DIPK2A: variants seen among roughly 807,000 people sequenced by gnomAD.
DIPK2A encodes the protein Golgi Protein of 49 kDa.
A neutral mutation model predicts 39.0 loss-of-function variants in DIPK2A; 27 were observed. That is an observed-to-expected ratio of 0.69 (90% CI 0.51 to 0.96). The LOEUF (loss-of-function observed/expected upper bound fraction) is 0.96, where lower values mean the gene tolerates loss of function less well. Ranked by LOEUF, DIPK2A falls within the 40% of genes least tolerant of loss-of-function variation. DIPK2A has a pLI of 0.00. For missense variants in DIPK2A, 528 were observed against 571.3 expected (o/e 0.92, Z 0.77); for synonymous variants, 298 against 240.8 (o/e 1.24, Z -2.20).
chr3:143,972,628 C>A lies in DIPK2A; in HGVS notation c.296C>A (p.Pro99His). ...GTGTACTTCGCGCAGTACGGCGAGC[C>A]CCGCGAGGGCGGCCGCCGCCGAGTG... ...KNVYFAQYGE[P>H]REGGRRRVVL... Residue 99 changes from proline to histidine, a missense_variant, in exon 1 of 3, where the codon CCC (proline) becomes CAC (histidine). Around this residue, in one of 2 missense-constraint regions of DIPK2A, gnomAD observed 309 missense variants for 289.8 expected, o/e 1.07. Coordinates refer to ENST00000315691, the MANE Select transcript of DIPK2A (RefSeq NM_173552.5). 6.2e-7 allele frequency: 1 copy of A among 1,611,578 alleles called. No homozygotes were observed. Among genetic ancestry groups the A allele is most frequent in the Non-Finnish European group, 8.5e-7 (1 of 1,179,466 alleles).
At chr3:143,985,428 G>A in intron 1 of DIPK2A, 115 bp from the exon 2 acceptor site, 1 of 888,752 alleles carries the variant, frequency 1.1e-6, no homozygotes. Context: ...ACTGTTGAAT[G>A]TAATAAGAAA....
chr3:143,975,943 G>T (rs1184808856), intron 1 of DIPK2A, among the ~76,000 whole-genome samples: 2 of 152,034 alleles, frequency 1.3e-5, no homozygotes, highest in East Asian at 3.9e-4. Flanking sequence ...TTTTGATAAG[G>T]TGTTTAAGAA....
rs1276725427 is a variant in DIPK2A at position 143,972,667 on chromosome 3, T to A, written c.335T>A (p.Leu112His). 1 of 1,609,328 alleles carries A rather than the reference T, an allele frequency of 6.2e-7. No individual in the cohort carries two copies. Among genetic ancestry groups the A allele is most frequent in the Admixed American group, 1.7e-5 (1 of 59,842 alleles). Residue 112 changes from leucine (L) to histidine (H), a missense_variant, in exon 1 of 3, where the codon CTC (leucine) becomes CAC (histidine). Leu to His is a moderately conservative substitution (Grantham distance 99). This residue lies in a region of DIPK2A where 309 missense variants were observed against 289.8 expected (regional missense o/e 1.07). Coordinates refer to ENST00000315691, the MANE Select transcript of DIPK2A (RefSeq NM_173552.5). ...CGCCGCCGAGTGGTGCTCAAGCGCC[T>A]CGGCTCGCAGCGCGAGCTGGCGCAG... The part of the protein sequence containing the change: ...GGRRRVVLKR[L>H]GSQRELAQLD...
chr3:143,985,707 T>G lies in DIPK2A; in HGVS notation c.822T>G (p.Leu274=), dbSNP rs1229331402. 6.2e-7 allele frequency: 1 copy of G among 1,614,184 alleles called. No individual in the cohort carries two copies. Among genetic ancestry groups the G allele is most frequent in the East Asian group, 2.2e-5 (1 of 44,878 alleles). ...AATTAATGGAAATAGCAGAACAGCT[T>G]ACAAACAATGACTTTGAATTTGCAC... ...AWQLMEIAEQ[L]TNNDFEFALY... Residue 274 remains leucine (L), a synonymous_variant, in exon 2 of 3, where the codon CTT becomes CTG. Transcript: ENST00000315691.
intron 1 of DIPK2A, among the ~76,000 whole-genome samples, chr3:143,978,927 A>G (rs2087789592): frequency 6.6e-6 from 1 of 151,868 alleles, no homozygotes; most frequent in Admixed American, 6.6e-5. Flanking sequence ...TTAATCAGTA[A>G]AATGGGGTTG....
rs777497465 is a variant in DIPK2A at position 143,973,183 on chromosome 3, GGA to G, written c.657+198_657+199del. 2.5e-5 allele frequency: 25 copies of G among 998,186 alleles called. No homozygotes were observed. In the East Asian group the frequency reaches 6.2e-4, roughly 25 times the overall value. The allele number at this position is 998,186 out of a possible 1,614,324, so 61.8% of individuals were successfully genotyped here. A position where few individuals can be genotyped will look rare whatever the true frequency, so the allele number is the denominator to read the frequency against. ...GGAGGCCGAGGGCGACCCCGCTGAT[GGA>G]GAGTCTGCTCTTGTTACCTAGATTC... On this transcript the variant is annotated intron_variant, in intron 1 of 2. Coordinates refer to ENST00000315691, the MANE Select transcript of DIPK2A (RefSeq NM_173552.5).
chr3:143,989,625 T>C lies in DIPK2A; in HGVS notation c.1077T>C (p.Asn359=), dbSNP rs934087866. ...GTGCTCGTGCCACTGTGGACCACAA[T>C]TACTATGCTGTTTGTCAGAACCTCT... ...ILCARATVDH[N]YYAVCQNLLS... Residue 359 remains asparagine, a synonymous_variant, in exon 3 of 3, where the codon AAT becomes AAC. Coordinates refer to ENST00000315691, the MANE Select transcript of DIPK2A (RefSeq NM_173552.5). 1.9e-6 allele frequency: 3 copies of C among 1,614,250 alleles called. No individual in the cohort carries two copies. The highest frequency in any genetic ancestry group is 2.7e-5 in the African/African-American group (2 of 75,068).
At chr3:143,975,413 A>G (rs1446128456) in intron 1 of DIPK2A, among the ~76,000 whole-genome samples, 5 of 152,110 alleles carry the variant, frequency 3.3e-5, no homozygotes, top group African/African-American at 9.6e-5. Flanking sequence ...ATCTTTGGAA[A>G]AAGCTAGTGA....
At chr3:143,986,722 CAAAA>C (rs11293429) in intron 2 of DIPK2A, among the ~76,000 whole-genome samples, 2 of 67,058 alleles carry the variant, frequency 3.0e-5, no homozygotes. Flanking sequence ...GACTCCGTCT[CAAAA>C]AAAAAAAAAA....
At position 143,972,033 on chromosome 3, in the gene DIPK2A, C is replaced by T; in HGVS notation, c.-300C>T. On this transcript the variant is annotated 5_prime_UTR_variant, in exon 1 of 3. Transcript: ENST00000315691. ...CGGGTCCCCGCGCTCCCTCCCCCTC[C>T]CGCTCCTCTATAACTTGGCTGGCGT... 1 of 339,924 alleles carries T rather than the reference C, an allele frequency of 2.9e-6. No homozygotes were observed. The allele number at this position is 339,924 out of a possible 1,614,324, so 21.1% of individuals were successfully genotyped here. A position where few individuals can be genotyped will look rare whatever the true frequency, so the allele number is the denominator to read the frequency against.
intron 1 of DIPK2A, among the ~76,000 whole-genome samples, chr3:143,979,075 C>T (rs1307670358): frequency 6.6e-6 from 1 of 152,104 alleles, no homozygotes; most frequent in African/African-American, 2.4e-5. Context: ...CATTTTTAGA[C>T]AGCTATAGTA....
At position 143,992,328 on chromosome 3, in the gene DIPK2A, A is replaced by T. The variant is rs2087999007; in HGVS notation, c.*2487A>T. The T allele has an allele frequency of 1.3e-5, 2 of 152,640 alleles. No individual in the cohort carries two copies. The highest frequency in any genetic ancestry group is 2.9e-5 in the Non-Finnish European group (2 of 68,036). 9.5% of individuals were successfully genotyped at this position (152,640 alleles called of 1,614,324 possible). A position where few individuals can be genotyped will look rare whatever the true frequency, so the allele number is the denominator to read the frequency against. ...CTTTATAATATAAAGTTGTTTCTAC[A>T]ACTTTTAATGATCTTAATAAAGAAT... On this transcript the variant is annotated 3_prime_UTR_variant, in exon 3 of 3. Coordinates refer to ENST00000315691, the MANE Select transcript of DIPK2A (RefSeq NM_173552.5).
intron 1 of DIPK2A, chr3:143,978,602 C>CTATATATATATATATATCTATATA (rs57854747): frequency 7.3e-6 from 1 of 137,538 alleles, no homozygotes; most frequent in Admixed American, 7.4e-5. Flanking sequence ...ATCTATCTAT[C>CTATATATATATATATATCTATATA]TATATATATA....
rs1025378835 is a variant in DIPK2A at position 143,990,938 on chromosome 3, G to A, written c.*1097G>A. The A allele has an allele frequency of 6.6e-6, 1 of 152,290 alleles. No homozygotes were observed. The highest frequency in any genetic ancestry group is 2.4e-5 in the African/African-American group (1 of 41,404). 9.4% of individuals were successfully genotyped at this position (152,290 alleles called of 1,614,324 possible). ...CTACCTTTTATTCATGGGTAGTTTT[G>A]CAAAATTAACATGGTAGCCATTGTT... On this transcript the variant is annotated 3_prime_UTR_variant, in exon 3 of 3. Coordinates refer to ENST00000315691, the MANE Select transcript of DIPK2A (RefSeq NM_173552.5).
chr3:143,988,839 T>C (rs1461009315), intron 2 of DIPK2A, among the ~76,000 whole-genome samples: 1 of 152,232 alleles, frequency 6.6e-6, no homozygotes, highest in Non-Finnish European at 1.5e-5. Context: ...CTGAAATGTT[T>C]CTCCAATCTA....
At chr3:143,983,474 A>T (rs1245278250) in intron 1 of DIPK2A, among the ~76,000 whole-genome samples, 2 of 152,218 alleles carry the variant, frequency 1.3e-5, no homozygotes, top group East Asian at 1.9e-4. Flanking sequence ...AAATGATAAA[A>T]TTAAGGCAGA....
chr3:143,973,693 C>A, intron 1 of DIPK2A: 1 of 668,800 alleles, frequency 1.5e-6, no homozygotes, highest in Non-Finnish European at 2.7e-6. Context: ...CTGTGACCTG[C>A]CCTATTCATC....
intron 1 of DIPK2A, among the ~76,000 whole-genome samples, chr3:143,982,945 GA>G (rs2087846366): frequency 1.3e-5 from 2 of 152,102 alleles, no homozygotes; most frequent in Non-Finnish European, 2.9e-5. Context: ...CCTAGTCTCT[GA>G]TAAAACAGAC....
rs561542469 is a variant in DIPK2A, at chr3:143,974,123, T to A, written c.657+1134T>A. On this transcript the variant is annotated intron_variant, in intron 1 of 2. Coordinates refer to ENST00000315691, the MANE Select transcript of DIPK2A (RefSeq NM_173552.5). ...CACTGAGGGCTGGAGGTACAGGGTT[T>A]TTTTTTTTTTTATTTTTCTAAAATG... 7.3e-5 allele frequency among the ~76,000 whole-genome samples: 11 copies of A among 150,212 alleles called. No homozygotes were observed. In the East Asian group the frequency reaches 7.7e-4, roughly 11 times the overall value.
Sources: gnomAD v4.1 joint callset for allele counts (sites outside exome capture counted in the v4.1 genomes callset) on GRCh38, gnomAD v4.1.1 for gene constraint, gnomAD v4.1.1 regional missense constraint, MANE v1.5 for transcripts, NCBI Gene and HGNC (gene_info 2026-07-23, HGNC 2026-07-21) for gene names.